Variants in SYCE1L observed in about 807,000 individuals in gnomAD.
The protein encoded by SYCE1L is synaptonemal complex central element protein 1 like, also known as synaptonemal complex central element protein 1-like.
Under a neutral mutation model 39.6 loss-of-function variants are expected in SYCE1L, and 51 were observed. That is an observed-to-expected ratio of 1.29 (90% CI 1.03 to 1.63). The LOEUF (loss-of-function observed/expected upper bound fraction) is 1.63. SYCE1L is among the 40% of genes most tolerant of loss of function. SYCE1L has a pLI of 0.00. For missense variants in SYCE1L, 426 were observed against 304.9 expected (o/e 1.40, Z -2.96); for synonymous variants, 147 against 122.4 (o/e 1.20, Z -1.33).
chr16:77,209,083 A>T lies in SYCE1L; in HGVS notation c.257-14A>T. On this transcript the variant is annotated splice_polypyrimidine_tract_variant and intron_variant, in intron 4 of 10. Transcript: ENST00000378644. Reference sequence around the variant, plus strand: ...GGGGTGCCTGGAGGCAGAAAGTGTCATTGTGTTTTCCAGTGAATGGAGAGA... The same window carrying T: ...GGGGTGCCTGGAGGCAGAAAGTGTCTTTGTGTTTTCCAGTGAATGGAGAGA... The T allele has an allele frequency of 6.4e-7, 1 of 1,551,692 alleles. No homozygotes were observed. The highest frequency in any genetic ancestry group is 8.7e-7 in the Non-Finnish European group (1 of 1,146,990).
chr16:77,208,381 A>G, intron 3 of SYCE1L, 84 bp from the exon 4 acceptor site: 1 of 1,543,394 alleles, frequency 6.5e-7, no homozygotes, highest in Non-Finnish European at 8.8e-7. Context: ...TTGTTTGAAG[A>G]TGACTGTGCA....
chr16:77,212,188 T>C lies in SYCE1L; in HGVS notation c.482T>C (p.Leu161Pro). ...IRALERSKEQ[L>P]LSERRLVRAK... ...GCCCTGGAGAGAAGCAAGGAGCAGC[T>C]GCTCTCGGAGAGTGAGCCTCCCGCG... The change falls in exon 8 of 11, where the codon CTG (leucine) becomes CCG (proline). Residue 161 changes from leucine to proline, a missense_variant. Physicochemically the swap from Leu to Pro is moderately conservative, Grantham distance 98. Transcript: ENST00000378644. 1 of 1,548,566 alleles carries C rather than the reference T, an allele frequency of 6.5e-7. No homozygotes were observed. Among genetic ancestry groups the C allele is most frequent in the Non-Finnish European group, 8.7e-7 (1 of 1,146,310 alleles).
chr16:77,200,228 G>GTGTGTGTCTATATATATGTATA (rs2054717899), intron 1 of SYCE1L: 2 of 122,784 alleles, frequency 1.6e-5, no homozygotes, highest in African/African-American at 6.2e-5. Flanking sequence ...GTATGTATGT[G>GTGTGTGTCTATATATATGTATA]TGTGTATATA....
intron 6 of SYCE1L, among the ~76,000 whole-genome samples, chr16:77,209,987 C>T (rs2054811312): frequency 6.6e-6 from 1 of 152,232 alleles, no homozygotes; most frequent in Non-Finnish European, 1.5e-5. Context: ...CATATATTCA[C>T]TTAGCCAAAC....
rs2054707100 is a variant in SYCE1L at position 77,199,514 on chromosome 16, T to TAGTGAGGGC, written c.61+4_61+12dup. On this transcript the variant is annotated splice_region_variant and intron_variant, in intron 1 of 10. Coordinates refer to ENST00000378644, the MANE Select transcript of SYCE1L (RefSeq NM_001129979.3). ...CAGAAGCTACTGAGGAGGCTGAAGG[T>TAGTGAGGGC]AGTGAGGGCAAGTGGGCTGCACTCC... is the stretch of plus-strand genomic sequence containing the variant. 2 of 1,550,788 alleles carry TAGTGAGGGC rather than the reference T, an allele frequency of 1.3e-6. No individual in the cohort carries two copies. Among genetic ancestry groups the TAGTGAGGGC allele is most frequent in the Non-Finnish European group, 1.7e-6 (2 of 1,146,594 alleles).
intron 1 of SYCE1L, among the ~76,000 whole-genome samples, chr16:77,205,300 A>G (rs2142514555): frequency 6.6e-6 from 1 of 151,828 alleles, no homozygotes; most frequent in Admixed American, 6.5e-5. Context: ...AGAGAGGCGT[A>G]GGTCACTGAG....
Position 77,212,810 on chromosome 16 carries a change from C to A in SYCE1L, c.655-47C>A, listed in dbSNP as rs576192740. ...GGCCTAGGGCAGACGCGGGCGGACG[C>A]GAGGAGCGTAGGAACCTGGTCCGCA... On this transcript the variant is annotated intron_variant, in intron 10 of 10. Coordinates refer to ENST00000378644, the MANE Select transcript of SYCE1L (RefSeq NM_001129979.3). The A allele has an allele frequency of 2.8e-6, 4 of 1,436,974 alleles. No individual in the cohort carries two copies. In the East Asian group the frequency reaches 7.9e-5, roughly 28 times the overall value. The allele number at this position is 1,436,974 out of a possible 1,614,324, so 89.0% of individuals were successfully genotyped here. A position where few individuals can be genotyped will look rare whatever the true frequency, so the allele number is the denominator to read the frequency against.
intron 1 of SYCE1L, chr16:77,200,274 G>GTATATATATATATA (rs1229854135): frequency 8.8e-6 from 1 of 113,574 alleles, no homozygotes; most frequent in African/African-American, 3.5e-5. Context: ...ATATATATGT[G>GTATATATATATATA]TATATATATA....
chr16:77,212,255 C>T lies in SYCE1L; in HGVS notation c.494-27C>T, dbSNP rs769742424. The T allele has an allele frequency of 2.6e-5, 40 of 1,524,882 alleles. No homozygotes were observed. In the African/African-American group the frequency reaches 5.3e-4, roughly 20 times the overall value. 94.5% of individuals were successfully genotyped at this position (1,524,882 alleles called of 1,614,324 possible). ...AGGGGGATGTGCCCGGGCCTCGGCC[C>T]TGCCCCTGACGCCCGCCCACCGACA... On this transcript the variant is annotated intron_variant, in intron 8 of 10. Transcript: ENST00000378644.
In SYCE1L at chr16:77,212,473, G is replaced by T. The variant is rs926056178; in HGVS notation, c.582-101G>T. ...CCCGACTGCCGCTTCCCCGGCCTGT[G>T]CCTCCCTCGGCGTCGTCGGGTCTCC... On this transcript the variant is annotated intron_variant, in intron 9 of 10. Coordinates refer to ENST00000378644, the MANE Select transcript of SYCE1L (RefSeq NM_001129979.3). The T allele has an allele frequency of 1.2e-5, 19 of 1,539,708 alleles. No individual in the cohort carries two copies. In the African/African-American group the frequency reaches 1.9e-4, roughly 16 times the overall value.
intron 2 of SYCE1L, 21 bp downstream of exon 2, chr16:77,206,521 TG>T (rs1333920807): frequency 6.4e-7 from 1 of 1,551,524 alleles, no homozygotes; most frequent in Non-Finnish European, 8.7e-7. Flanking sequence ...TCTTTGTTTC[TG>T]AGCCTCAGCC....
At chr16:77,210,483 T>C (rs2054815062) in intron 6 of SYCE1L, among the ~76,000 whole-genome samples, 1 of 152,232 alleles carries the variant, frequency 6.6e-6, no homozygotes. Context: ...TGAGCATTTA[T>C]GCTCATTTAT....
rs573519865 is a variant in SYCE1L, at chr16:77,206,142, G to A, written c.62-299G>A. On this transcript the variant is annotated intron_variant, in intron 1 of 10. Coordinates refer to ENST00000378644, the MANE Select transcript of SYCE1L (RefSeq NM_001129979.3). ...AACTTCATAATGATCTTGAACAGCA[G>A]CATCAGCAAACATGCATTCTCTTCT... 3.9e-4 allele frequency among the ~76,000 whole-genome samples: 60 copies of A among 152,288 alleles called. 1 individual carries two copies. The highest frequency in any genetic ancestry group is 1.4e-3 in the African/African-American group (59 of 41,562).
At chr16:77,212,505 C>G (rs1326681197) in intron 9 of SYCE1L, 69 bp from the exon 10 acceptor site, 1 of 1,538,296 alleles carries the variant, frequency 6.5e-7, no homozygotes. Flanking sequence ...CTCCGCGTCT[C>G]GGTGGCTTCC....
intron 1 of SYCE1L, chr16:77,200,681 G>A (rs2054730126): frequency 6.7e-6 from 1 of 150,336 alleles, no homozygotes; most frequent in African/African-American, 2.5e-5. Context: ...GCTTGAACCC[G>A]GGAGGCAGAG....
chr16:77,203,394 C>T lies in SYCE1L; in HGVS notation c.62-3047C>T, dbSNP rs745914894. Among the ~76,000 whole-genome samples, 7 of 146,698 alleles carry T rather than the reference C, an allele frequency of 4.8e-5. No homozygotes were observed. In the East Asian group the frequency reaches 1.4e-3, roughly 30 times the overall value. On this transcript the variant is annotated intron_variant, in intron 1 of 10. Transcript: ENST00000378644. ...AATTAAAATGCAAATTAAAATAATA[C>T]ATACTAATTTATAAAGGATTTCAGG...
intron 6 of SYCE1L, 136 bp from the exon 7 acceptor site, chr16:77,211,077 G>T (rs2054818934): frequency 2.2e-6 from 2 of 914,828 alleles, no homozygotes. Context: ...GGGAACCAAA[G>T]CTTAGAGGAT....
At chr16:77,208,132 C>T in intron 2 of SYCE1L, 78 bp from the exon 3 acceptor site, 1 of 1,383,824 alleles carries the variant, frequency 7.2e-7, no homozygotes. Flanking sequence ...TAGCAGCAGA[C>T]ACAGTGCTTC....
intron 4 of SYCE1L, 53 bp from the exon 5 acceptor site, chr16:77,209,044 C>T (rs2054805291): frequency 1.3e-6 from 2 of 1,538,876 alleles, no homozygotes; most frequent in African/African-American, 1.4e-5. Flanking sequence ...TGAAGTTGCA[C>T]TGGGGATGGC....
Sources: allele counts gnomAD v4.1 joint callset (sites outside exome capture counted in the v4.1 genomes callset), GRCh38; gene constraint gnomAD v4.1.1; transcripts MANE v1.5; gene names NCBI Gene and HGNC (gene_info 2026-07-23, HGNC 2026-07-21).